Variants in FILIP1 observed in about 807,000 individuals in gnomAD.
The protein encoded by FILIP1 is filamin-A-interacting protein 1.
FILIP1 carries 61 observed loss-of-function variants against 102.1 expected under a neutral mutation model. The observed-to-expected ratio is 0.60, with a 90% CI of 0.49 to 0.74. The LOEUF is 0.74. FILIP1 is among the 30% of genes least tolerant of loss of function. FILIP1 has a pLI of 0.00. For synonymous variants in FILIP1, 491 were observed against 526.9 expected, an observed-to-expected ratio of 0.93 and a Z score of 0.93; for missense variants, 1,314 against 1,441.2, an observed-to-expected ratio of 0.91 and a Z score of 1.43.
downstream of FILIP1, chr6:75,307,976 G>A (rs1482270224): frequency 1.1e-6 from 1 of 904,012 alleles, no homozygotes; most frequent in Non-Finnish European, 1.3e-6. Flanking sequence ...GCACGAGTCT[G>A]ACATTAATGA....
At chr6:75,419,861 C>T (rs1434610130) in intron 1 of FILIP1, among the ~76,000 whole-genome samples, 2 of 152,132 alleles carry the variant, frequency 1.3e-5, no homozygotes, top group Admixed American at 6.6e-5. Flanking sequence ...GAGGTTATCA[C>T]GTATTCTATA....
chr6:75,382,782 C>CATCA (rs1775948263), intron 2 of FILIP1, among the ~76,000 whole-genome samples: 1 of 152,158 alleles, frequency 6.6e-6, no homozygotes, highest in Admixed American at 6.5e-5. Context: ...TACAGGAATG[C>CATCA]ATCACAATTA....
intron 1 of FILIP1, chr6:75,428,291 C>T (rs890770106): frequency 6.6e-6 from 1 of 152,410 alleles, no homozygotes; most frequent in East Asian, 1.9e-4. Flanking sequence ...AGTACCAAGA[C>T]TATACCAGCC....
At chr6:75,370,542 T>C (rs939663589) in intron 2 of FILIP1, among the ~76,000 whole-genome samples, 2 of 151,656 alleles carry the variant, frequency 1.3e-5, no homozygotes, top group Non-Finnish European at 2.9e-5. Context: ...TCATCTGATA[T>C]ATTTGTCTGT....
intron 1 of FILIP1, among the ~76,000 whole-genome samples, chr6:75,433,045 T>G (rs1214301262): frequency 6.6e-6 from 1 of 152,234 alleles, no homozygotes; most frequent in African/African-American, 2.4e-5. Context: ...CCATGGTGTA[T>G]ATGTGCCACA....
At chr6:75,433,863 G>C (rs2149711157) in intron 1 of FILIP1, among the ~76,000 whole-genome samples, 1 of 152,276 alleles carries the variant, frequency 6.6e-6, no homozygotes, top group Middle Eastern at 3.4e-3. Flanking sequence ...ATTAATTTCT[G>C]TATAAGGTGT....
chr6:75,316,527 G>A (rs1032682226), intron 4 of FILIP1, among the ~76,000 whole-genome samples: 10 of 151,910 alleles, frequency 6.6e-5, no homozygotes, highest in Non-Finnish European at 1.2e-4. Context: ...CTGAAAGCTG[G>A]TGTACAAGAA....
chr6:75,453,118 C>T (rs1297388532), intron 1 of FILIP1, among the ~76,000 whole-genome samples: 1 of 152,226 alleles, frequency 6.6e-6, no homozygotes, highest in African/African-American at 2.4e-5. Flanking sequence ...CTAAGCTGGT[C>T]ATCTTGGATT....
rs746616540 is a variant in FILIP1, at chr6:75,362,897, G to C, written c.297C>G (p.His99Gln). Reference sequence around the variant, plus strand: ...GCTTGGTTTTCTCTGTCTTCAGCATGTGGATCACATCTTCTCTGGCCTGTA... The same window carrying C: ...GCTTGGTTTTCTCTGTCTTCAGCATCTGGATCACATCTTCTCTGGCCTGTA... The part of the protein sequence containing the change: ...GELQAREDVI[H>Q]MLKTEKTKPE... The change falls in exon 3 of 6, where the codon CAC becomes CAG. Residue 99 changes from histidine to glutamine, a missense_variant. His to Gln is a conservative substitution (Grantham distance 24). Coordinates refer to ENST00000237172, the MANE Select transcript of FILIP1 (RefSeq NM_015687.5). 1 of 1,613,960 alleles carries C rather than the reference G, an allele frequency of 6.2e-7. No homozygotes were observed. Among genetic ancestry groups the C allele is most frequent in the Non-Finnish European group, 8.5e-7 (1 of 1,180,022 alleles).
At chr6:75,295,227 T>G (rs1489574834) in exon 7 of FILIP1, 1 of 152,242 alleles carries the variant, frequency 6.6e-6, no homozygotes, top group African/African-American at 2.4e-5. Context: ...TTGTTCTATA[T>G]AAAAATCATT....
chr6:75,313,473 T>G lies in FILIP1; in HGVS notation c.2359A>C (p.Arg787=). ...ATTCTTCTTCCATTCACACTGGGCC[T>G]AAGAGCTCTGCTGTAGCGCTTGGAA... is the stretch of plus-strand genomic sequence containing the variant. The part of the protein sequence containing the change: ...ELSKRYSRAL[R]PSVNGRRMVD... The change falls in exon 5 of 6, where the codon AGG becomes CGG. Residue 787 remains arginine (R), a synonymous_variant. Transcript: ENST00000237172. This position sits in a 1 kb window ranked among gnomAD's most constrained non-coding sequence, Gnocchi z 4.2. 1.9e-6 allele frequency: 3 copies of G among 1,614,236 alleles called. No homozygotes were observed. The highest frequency in any genetic ancestry group is 2.5e-6 in the Non-Finnish European group (3 of 1,180,042).
chr6:75,325,724 TA>T (rs1773824696), intron 4 of FILIP1, among the ~76,000 whole-genome samples: 1 of 65,994 alleles, frequency 1.5e-5, no homozygotes, highest in South Asian at 4.6e-4. Context: ...TTACCATAAT[TA>T]AAAAATAAAA....
chr6:75,294,004 A>G (rs1772606538), exon 7 of FILIP1: 1 of 152,238 alleles, frequency 6.6e-6, no homozygotes, highest in African/African-American at 2.4e-5. Context: ...TGATGTTTTC[A>G]CAATCATTCA....
At position 75,308,160 on chromosome 6, in the gene FILIP1, T is replaced by C. The variant is rs527313311; in HGVS notation, c.*531A>G. The C allele has an allele frequency of 2.0e-6, 2 of 986,566 alleles. No individual in the cohort carries two copies. Among genetic ancestry groups the C allele is most frequent in the East Asian group, 2.3e-4 (2 of 8,826 alleles). The allele number at this position is 986,566 out of a possible 1,614,324, so 61.1% of individuals were successfully genotyped here. ...GAAATCATCTTAGAACCTTTTGTTT[T>C]TGCAAAATTTTAGAGGTCCAGGCCC... is the stretch of plus-strand genomic sequence containing the variant. On this transcript the variant is annotated 3_prime_UTR_variant, in exon 6 of 6. Transcript: ENST00000237172.
intron 2 of FILIP1, 142 bp from the exon 3 acceptor site, chr6:75,363,059 T>A: frequency 4.0e-6 from 3 of 746,770 alleles, no homozygotes; most frequent in East Asian, 2.6e-5. Context: ...TGCTCTAATT[T>A]TTTTTTTTAA....
Position 75,314,256 on chromosome 6 carries a change from CTT to C in FILIP1, c.1574_1575del (p.Lys525SerfsTer6). ...TTAAAATTTTTATTGAGTCCATCCACTTTTCTCTCTTCTTGTTTTATTTTTTC... is the reference window on the plus strand; with the variant it reads ...TTAAAATTTTTATTGAGTCCATCCACTTCTCTCTTCTTGTTTTATTTTTTC... ...MMEKIKQEER[K>X]VDGLNKNFKV... On this transcript the variant is annotated frameshift_variant, in exon 5 of 6. Coordinates refer to ENST00000237172, the MANE Select transcript of FILIP1 (RefSeq NM_015687.5). LOFTEE classifies it high-confidence loss of function. 6.4e-7 allele frequency: 1 copy of C among 1,556,822 alleles called. No individual in the cohort carries two copies. Among genetic ancestry groups the C allele is most frequent in the East Asian group, 2.3e-5 (1 of 42,866 alleles).
intron 1 of FILIP1, among the ~76,000 whole-genome samples, chr6:75,430,866 G>A (rs1777800581): frequency 6.6e-6 from 1 of 152,230 alleles, no homozygotes; most frequent in Admixed American, 6.5e-5. Flanking sequence ...CCTAAGAGGG[G>A]AAAGTAAGCT....
intron 2 of FILIP1, among the ~76,000 whole-genome samples, chr6:75,412,585 T>A (rs1777117002): frequency 1.3e-5 from 2 of 152,132 alleles, no homozygotes; most frequent in Admixed American, 1.3e-4. Context: ...CATTTGCTAA[T>A]GTTAACTCCC....
At chr6:75,392,155 A>G (rs1056432156) in intron 2 of FILIP1, among the ~76,000 whole-genome samples, 3 of 152,064 alleles carry the variant, frequency 2.0e-5, no homozygotes, top group African/African-American at 7.2e-5. Context: ...AGTCCTCCTC[A>G]TCCTCCCAGT....
Sources: allele counts gnomAD v4.1 joint callset (sites outside exome capture counted in the v4.1 genomes callset), GRCh38; gene constraint gnomAD v4.1.1; non-coding constraint Gnocchi (gnomAD v3.1); transcripts MANE v1.5; gene names NCBI Gene and HGNC (gene_info 2026-07-23, HGNC 2026-07-21).